RADIL: variants seen among roughly 807,000 people sequenced by gnomAD.
RADIL encodes ras-associating and dilute domain-containing protein.
A neutral mutation model predicts 97.6 loss-of-function variants in RADIL; 99 were observed. The ratio of observed to expected loss-of-function variants is 1.01; its 90% CI spans 0.86 to 1.20. The LOEUF is 1.20. Among genes scored for constraint, RADIL ranks in the 50% most tolerant of loss-of-function variants. RADIL has a pLI of 0.00. For synonymous variants in RADIL, 803 were observed against 691.8 expected (o/e 1.16, Z -2.52); for missense variants, 1,765 against 1,498.9 (o/e 1.18, Z -2.93).
chr7:4,874,129 C>T (rs900725215), intron 2 of RADIL, among the ~76,000 whole-genome samples: 5 of 152,312 alleles, frequency 3.3e-5, no homozygotes, highest in Non-Finnish European at 5.9e-5. Context: ...GCACAGAGGC[C>T]GCCTCCAACC....
At chr7:4,864,638 A>T (rs1784091695) in intron 2 of RADIL, among the ~76,000 whole-genome samples, 1 of 152,182 alleles carries the variant, frequency 6.6e-6, no homozygotes, top group Admixed American at 6.5e-5. Context: ...CCAACTCTTG[A>T]TACAAGAAAC....
In RADIL at chr7:4,803,637, AC is replaced by A; in HGVS notation, c.2407del (p.Val803SerfsTer69). The A allele has an allele frequency of 6.5e-7, 1 of 1,549,898 alleles. No homozygotes were observed. Among genetic ancestry groups the A allele is most frequent in the Non-Finnish European group, 8.7e-7 (1 of 1,147,068 alleles). On this transcript the variant is annotated frameshift_variant, in exon 11 of 15. Coordinates refer to ENST00000399583, the MANE Select transcript of RADIL (RefSeq NM_018059.5). LOFTEE classifies it high-confidence loss of function. ...DDSIYQHLLY[V>X]RHFLWGLRSR... ...CCGCAGACCCCACAGAAAGTGGCGGACGTAGAGCAGGTGCTGGTAGATGCTG... is the reference window on the plus strand; with the variant it reads ...CCGCAGACCCCACAGAAAGTGGCGGAGTAGAGCAGGTGCTGGTAGATGCTG...
At chr7:4,809,300 C>T (rs1050802929) in intron 9 of RADIL, 52 of 985,298 alleles carry the variant, frequency 5.3e-5, no homozygotes, top group Non-Finnish European at 6.0e-5. Context: ...AGGTTCCTGC[C>T]CTCGGCTCGG....
rs1041468646 is a variant in RADIL at position 4,842,895 on chromosome 7, G to A, written c.536-6290C>T. On this transcript the variant is annotated intron_variant, in intron 2 of 14. Coordinates refer to ENST00000399583, the MANE Select transcript of RADIL (RefSeq NM_018059.5). This position sits in a 1 kb window ranked among gnomAD's most constrained non-coding sequence, Gnocchi z 4.5. ...GTTGCCCAGGCTGGAGTGCAGTGTG[G>A]ATTCACAGGCGTGGTCACCATAATA... Among the ~76,000 whole-genome samples, 2 of 152,028 alleles carry A rather than the reference G, an allele frequency of 1.3e-5. No homozygotes were observed. Among genetic ancestry groups the A allele is most frequent in the African/African-American group, 4.8e-5 (2 of 41,392 alleles).
Position 4,799,147 on chromosome 7 carries a change from G to A in RADIL, c.*231C>T. On this transcript the variant is annotated 3_prime_UTR_variant, in exon 15 of 15. Transcript: ENST00000399583. ...GTTTATTGAACCGTACTTCTCCATT[G>A]AAGTCTTTAAACATAAAAGCTCTGT... The A allele has an allele frequency of 1.1e-5, 6 of 560,438 alleles. No homozygotes were observed. The South Asian group carries it at 1.3e-4, about 12-fold the overall frequency. The allele number at this position is 560,438 out of a possible 1,614,324, so 34.7% of individuals were successfully genotyped here.
chr7:4,861,629 C>T (rs1300945751), intron 2 of RADIL: 5 of 1,610,334 alleles, frequency 3.1e-6, no homozygotes, highest in Non-Finnish European at 4.2e-6. Flanking sequence ...TAAAATCCTG[C>T]GCTGCAGTTC....
intron 2 of RADIL, chr7:4,861,016 T>C: frequency 6.2e-7 from 1 of 1,614,244 alleles, no homozygotes; most frequent in Non-Finnish European, 8.5e-7. Context: ...GAGTTGACGC[T>C]ACTGCATTTG....
chr7:4,829,702 A>G (rs942804110), intron 5 of RADIL, among the ~76,000 whole-genome samples: 3 of 151,998 alleles, frequency 2.0e-5, no homozygotes, highest in Non-Finnish European at 4.4e-5. Context: ...TGTTCTCCCG[A>G]TAGTGAATGA....
intron 5 of RADIL, 88 bp downstream of exon 5, chr7:4,832,035 TGACCCCAAGGCGTGGGGA>T (rs1186454152): frequency 2.0e-5 from 24 of 1,204,522 alleles, no homozygotes; most frequent in Non-Finnish European, 2.8e-5. Context: ...AGCCCAGAGC[TGACCCCAAGGCGTGGGGA>T]GACCCCTCGG....
intron 2 of RADIL, chr7:4,858,181 G>C (rs561623736): frequency 1.4e-4 from 22 of 152,316 alleles, no homozygotes; most frequent in African/African-American, 4.8e-4. Flanking sequence ...AGCATAAAAG[G>C]ACATGACTAT....
chr7:4,866,493 T>C (rs1339109221), intron 2 of RADIL, among the ~76,000 whole-genome samples: 4 of 152,218 alleles, frequency 2.6e-5, no homozygotes, highest in African/African-American at 9.6e-5. Context: ...GGCAAATCAA[T>C]ATCTAGAAAA....
chr7:4,878,250 A>G lies in RADIL; in HGVS notation c.-64-47T>C. Reference sequence around the variant, plus strand: ...GTTAGCGCCAACCATCGTGACCACCAAGAGCAAATGAGGCCACAGGCGGTG... The same window carrying G: ...GTTAGCGCCAACCATCGTGACCACCGAGAGCAAATGAGGCCACAGGCGGTG... On this transcript the variant is annotated intron_variant, in intron 1 of 14. Coordinates refer to ENST00000399583, the MANE Select transcript of RADIL (RefSeq NM_018059.5). This position sits in a 1 kb window ranked among gnomAD's most constrained non-coding sequence, Gnocchi z 4.1. The G allele has an allele frequency of 1.6e-6, 2 of 1,226,700 alleles. No individual in the cohort carries two copies. Among genetic ancestry groups the G allele is most frequent in the Non-Finnish European group, 2.2e-6 (2 of 909,286 alleles). The allele number at this position is 1,226,700 out of a possible 1,614,324, so 76.0% of individuals were successfully genotyped here. A position where few individuals can be genotyped will look rare whatever the true frequency, so the allele number is the denominator to read the frequency against.
chr7:4,861,805 C>T lies in RADIL; in HGVS notation c.535+15800G>A, dbSNP rs966996559. On this transcript the variant is annotated intron_variant, in intron 2 of 14. Coordinates refer to ENST00000399583, the MANE Select transcript of RADIL (RefSeq NM_018059.5). ...GTCCCTGGGTTGTCACCGGAAACGG[C>T]ATCATCTTTCAGCGCCCGCCCCGCC... The T allele has an allele frequency of 4.1e-6, 6 of 1,449,374 alleles. No individual in the cohort carries two copies. Among genetic ancestry groups the T allele is most frequent in the Non-Finnish European group, 4.5e-6 (5 of 1,103,404 alleles). The allele number at this position is 1,449,374 out of a possible 1,614,324, so 89.8% of individuals were successfully genotyped here.
intron 9 of RADIL, chr7:4,809,098 C>G: frequency 1.0e-6 from 1 of 984,906 alleles, no homozygotes; most frequent in South Asian, 4.7e-5. Context: ...ACGCTCTGCT[C>G]AGGATGCGGG....
chr7:4,827,539 T>C (rs1484857320), intron 5 of RADIL, among the ~76,000 whole-genome samples: 5 of 151,960 alleles, frequency 3.3e-5, no homozygotes, highest in Non-Finnish European at 2.9e-5. Context: ...CAGGCGCCTG[T>C]AGTCCCAGCT....
At chr7:4,805,403 G>A (rs1782271239) in intron 10 of RADIL, 163 bp downstream of exon 10, 5 of 756,468 alleles carry the variant, frequency 6.6e-6, no homozygotes, top group Non-Finnish European at 9.2e-6. Flanking sequence ...TGGGGATGGG[G>A]CGGGGCGGGG....
Position 4,815,196 on chromosome 7 carries a change from C to T in RADIL, c.2139+82G>A. 7.0e-7 allele frequency: 1 copy of T among 1,424,996 alleles called. No individual in the cohort carries two copies. The highest frequency in any genetic ancestry group is 1.4e-5 in the African/African-American group (1 of 69,246). 88.3% of individuals were successfully genotyped at this position (1,424,996 alleles called of 1,614,324 possible). A position where few individuals can be genotyped will look rare whatever the true frequency, so the allele number is the denominator to read the frequency against. The stretch of plus-strand genomic sequence containing the variant: ...AGCCAAGAAGCCCCGTCCCGGCCCC[C>T]AGGCTTGGTTTGTGAGCCAGGGACC... On this transcript the variant is annotated intron_variant, in intron 9 of 14. Transcript: ENST00000399583. This position sits in a 1 kb window ranked among gnomAD's most constrained non-coding sequence, Gnocchi z 8.0.
At position 4,798,409 on chromosome 7, in the gene RADIL, T is replaced by G. The variant is rs2115146262; in HGVS notation, c.*969A>C. On this transcript the variant is annotated 3_prime_UTR_variant, in exon 15 of 15. Transcript: ENST00000399583. ...TCTGCAACTGATGCCGGGACCCTCTTCCCCAGGGTTTCTCTGTTGCTATCA... is the reference window on the plus strand; with the variant it reads ...TCTGCAACTGATGCCGGGACCCTCTGCCCCAGGGTTTCTCTGTTGCTATCA... 1 of 152,332 alleles carries G rather than the reference T, an allele frequency of 6.6e-6. No individual in the cohort carries two copies. Among genetic ancestry groups the G allele is most frequent in the South Asian group, 2.1e-4 (1 of 4,840 alleles). The allele number at this position is 152,332 out of a possible 1,614,324, so 9.4% of individuals were successfully genotyped here. A position where few individuals can be genotyped will look rare whatever the true frequency, so the allele number is the denominator to read the frequency against.
At chr7:4,799,586 G>C (rs769668975) in intron 14 of RADIL, 44 bp downstream of exon 14, 1 of 1,607,124 alleles carries the variant, frequency 6.2e-7, no homozygotes, top group South Asian at 1.1e-5. Context: ...CCCCTGAGCA[G>C]GGCATCTGGG....
Sources: gnomAD v4.1 joint callset for allele counts (sites outside exome capture counted in the v4.1 genomes callset) on GRCh38, gnomAD v4.1.1 for gene constraint, Gnocchi (gnomAD v3.1) non-coding constraint, MANE v1.5 for transcripts, NCBI Gene and HGNC (gene_info 2026-07-23, HGNC 2026-07-21) for gene names.